The following PCDHGA5 variants were observed in gnomAD, a reference collection of about 807,000 sequenced individuals.
PCDHGA5 encodes the protein protocadherin gamma-A5.
A neutral mutation model predicts 56.7 loss-of-function variants in PCDHGA5; 36 were observed. The observed-to-expected ratio is 0.64, with a 90% CI of 0.49 to 0.84. PCDHGA5 has a LOEUF of 0.84. Among genes scored for constraint, PCDHGA5 ranks in the 40% least tolerant of loss-of-function variants. PCDHGA5 has a pLI of 0.00. For synonymous variants in PCDHGA5, 563 were observed against 520.2 expected (o/e 1.08, Z -1.12); for missense variants, 1,305 against 1,201.5 (o/e 1.09, Z -1.27).
chr5:141,365,474 A>G lies in PCDHGA5; in HGVS notation c.1144A>G (p.Ile382Val). ...TGGTGATTCTGGAGAAAATGGTGAG[A>G]TTGCATGCTCTATTCCTAGGAATTT... ...HDGDSGENGE[I>V]ACSIPRNLPF... The change falls in exon 1 of 4, where the codon ATT (isoleucine) becomes GTT (valine). Residue 382 changes from isoleucine (I) to valine (V), a missense_variant. By Grantham distance (29) the Ile-to-Val change is conservative. Transcript: ENST00000518069. 6.2e-7 allele frequency: 1 copy of G among 1,614,006 alleles called. No homozygotes were observed. The highest frequency in any genetic ancestry group is 8.5e-7 in the Non-Finnish European group (1 of 1,179,894).
chr5:141,403,030 C>T, intron 1 of PCDHGA5: 1 of 1,614,056 alleles, frequency 6.2e-7, no homozygotes, highest in Non-Finnish European at 8.5e-7. Flanking sequence ...TATGGGAGGC[C>T]AGGGCCAGTC....
At chr5:141,427,400 A>T in intron 1 of PCDHGA5, 1 of 461,200 alleles carries the variant, frequency 2.2e-6, no homozygotes, top group Non-Finnish European at 4.3e-6. Context: ...CACATGATAA[A>T]GATTCGAGAG....
chr5:141,433,354 T>TCTGC, intron 1 of PCDHGA5: 2 of 602,322 alleles, frequency 3.3e-6, no homozygotes, highest in South Asian at 2.1e-5. Context: ...CCACCTACTG[T>TCTGC]CTGCCTATCT....
In PCDHGA5 at chr5:141,420,182, C is replaced by G. The variant is rs375716662; in HGVS notation, c.2421+53431C>G. The G allele has an allele frequency of 3.7e-6, 6 of 1,613,694 alleles. No individual in the cohort carries two copies. In the African/African-American group the frequency reaches 8.0e-5, roughly 22 times the overall value. Reference sequence around the variant, plus strand: ...TTTTTTCACATCTGTTGATCATTGTCCAGCCACACAAGATAACCTCAACAA... The same window carrying G: ...TTTTTTCACATCTGTTGATCATTGTGCAGCCACACAAGATAACCTCAACAA... On this transcript the variant is annotated intron_variant, in intron 1 of 3. Transcript: ENST00000518069.
chr5:141,414,209 A>G (rs2095719803), intron 1 of PCDHGA5: 3 of 1,612,712 alleles, frequency 1.9e-6, no homozygotes, highest in South Asian at 2.2e-5. Flanking sequence ...GAAGATGTAA[A>G]TGACAACAGT....
At chr5:141,463,438 C>CTTTTTTT (rs71576115) in intron 1 of PCDHGA5, among the ~76,000 whole-genome samples, 6 of 103,252 alleles carry the variant, frequency 5.8e-5, no homozygotes, top group African/African-American at 1.3e-4. Flanking sequence ...TTTCCTTCTC[C>CTTTTTTT]TTTTTTTTTT....
At chr5:141,399,645 A>C (rs762123604) in intron 1 of PCDHGA5, 8 of 1,613,676 alleles carry the variant, frequency 5.0e-6, no homozygotes, top group Admixed American at 1.7e-5. Flanking sequence ...TGAGCGCGCA[A>C]AGTGGGGTGG....
chr5:141,431,408 G>A lies in PCDHGA5; in HGVS notation c.2422-63399G>A. ...CCACCTGGTCCTTACGGCCTCCGAC[G>A]GGGGCGACCCGGTGCGCACAGGCAC... On this transcript the variant is annotated intron_variant, in intron 1 of 3. Transcript: ENST00000518069. The surrounding 1 kb of genome is among the most constrained non-coding windows in gnomAD (Gnocchi z 4.8). 6.2e-7 allele frequency: 1 copy of A among 1,613,718 alleles called. No individual in the cohort carries two copies. The highest frequency in any genetic ancestry group is 2.2e-5 in the East Asian group (1 of 44,882).
chr5:141,418,506 A>G, intron 1 of PCDHGA5: 1 of 1,613,978 alleles, frequency 6.2e-7, no homozygotes, highest in Non-Finnish European at 8.5e-7. Flanking sequence ...ACCGCCTTAG[A>G]TGGTGGGGAC....
intron 1 of PCDHGA5, chr5:141,421,226 C>A (rs368125665): frequency 3.7e-5 from 58 of 1,584,718 alleles, no homozygotes; most frequent in Non-Finnish European, 4.6e-5. Context: ...TTAGAGCCTG[C>A]CATGGCGAAT....
intron 1 of PCDHGA5, among the ~76,000 whole-genome samples, chr5:141,373,358 T>C (rs1769516017): frequency 6.6e-6 from 1 of 152,204 alleles, no homozygotes; most frequent in Non-Finnish European, 1.5e-5. Flanking sequence ...TAATGGGCAC[T>C]GTAATGAATT....
In PCDHGA5 at chr5:141,487,818, G is replaced by A. The variant is rs1009237001; in HGVS notation, c.2422-6989G>A. On this transcript the variant is annotated intron_variant, in intron 1 of 3. Coordinates refer to ENST00000518069, the MANE Select transcript of PCDHGA5 (RefSeq NM_018918.3). This position sits in a 1 kb window ranked among gnomAD's most constrained non-coding sequence, Gnocchi z 5.0. ...GAGTTGTCACAGTTTAGCATTGGGG[G>A]CGGGTCATGCCTATATCTGAGTAAG... The A allele has an allele frequency of 1.2e-4, 158 of 1,331,596 alleles. No homozygotes were observed. The highest frequency in any genetic ancestry group is 1.4e-4 in the Non-Finnish European group (140 of 970,524). 82.5% of individuals were successfully genotyped at this position (1,331,596 alleles called of 1,614,324 possible). A position where few individuals can be genotyped will look rare whatever the true frequency, so the allele number is the denominator to read the frequency against.
At chr5:141,456,149 G>A (rs377506220) in intron 1 of PCDHGA5, among the ~76,000 whole-genome samples, 1 of 151,866 alleles carries the variant, frequency 6.6e-6, no homozygotes, top group East Asian at 1.9e-4. Flanking sequence ...CGCCCGCCTC[G>A]GCCTCCTAAA....
intron 1 of PCDHGA5, among the ~76,000 whole-genome samples, chr5:141,450,829 A>AT (rs373424450): frequency 7.2e-4 from 97 of 135,128 alleles, no homozygotes; most frequent in East Asian, 1.8e-3. Flanking sequence ...TATTATTATT[A>AT]TTTTTTTTTT....
At chr5:141,462,335 A>G in intron 1 of PCDHGA5, among the ~76,000 whole-genome samples, 1 of 152,220 alleles carries the variant, frequency 6.6e-6, no homozygotes, top group East Asian at 1.9e-4. Context: ...ATTTAATTGT[A>G]TTGTGATCCA....
Position 141,438,021 on chromosome 5 carries a change from G to T in PCDHGA5, c.2422-56786G>T, listed in dbSNP as rs112167613. ...CTCCCAAATAGCTGAGATTACAGGT[G>T]TGAGCCACCATGCCCGACCACTTTG... On this transcript the variant is annotated intron_variant, in intron 1 of 3. Transcript: ENST00000518069. Among the ~76,000 whole-genome samples the T allele has an allele frequency of 1.6e-3, 250 of 152,256 alleles. 2 individuals are homozygous for T. Among genetic ancestry groups the T allele is most frequent in the African/African-American group, 5.3e-3 (221 of 41,544 alleles).
Position 141,476,102 on chromosome 5 carries a change from C to G in PCDHGA5, c.2422-18705C>G, listed in dbSNP as rs1488747783. The G allele has an allele frequency of 1.3e-6, 2 of 1,576,940 alleles. No homozygotes were observed. Among genetic ancestry groups the G allele is most frequent in the African/African-American group, 2.7e-5 (2 of 73,926 alleles). ...ACGATCTGGACCCCGCTGAGAGGAA[C>G]TGCTTTTGAGTGAGATGGTCCCAGA... On this transcript the variant is annotated intron_variant, in intron 1 of 3. Transcript: ENST00000518069. The surrounding 1 kb of genome is among the most constrained non-coding windows in gnomAD (Gnocchi z 7.6).
At chr5:141,397,668 C>T (rs1455080741) in intron 1 of PCDHGA5, among the ~76,000 whole-genome samples, 3 of 152,224 alleles carry the variant, frequency 2.0e-5, no homozygotes, top group African/African-American at 7.2e-5. Flanking sequence ...AAAGAATGGA[C>T]CAATGTATGC....
intron 1 of PCDHGA5, chr5:141,371,744 C>T: frequency 1.2e-6 from 2 of 1,614,040 alleles, no homozygotes; most frequent in East Asian, 2.2e-5. Flanking sequence ...ACAACGTTCC[C>T]GTTTTCCACC....
Sources: allele counts gnomAD v4.1 joint callset (sites outside exome capture counted in the v4.1 genomes callset), GRCh38; gene constraint gnomAD v4.1.1; non-coding constraint Gnocchi (gnomAD v3.1); transcripts MANE v1.5; gene names NCBI Gene and HGNC (gene_info 2026-07-23, HGNC 2026-07-21).